The following MBOAT2 variants were observed in gnomAD, a reference collection of about 807,000 sequenced individuals.
MBOAT2 encodes membrane bound glycerophospholipid O-acyltransferase 2.
A neutral mutation model predicts 63.4 loss-of-function variants in MBOAT2; 28 were observed. The ratio of observed to expected loss-of-function variants is 0.44; its 90% CI spans 0.33 to 0.61. The LOEUF (loss-of-function observed/expected upper bound fraction) is 0.61. Ranked by LOEUF, MBOAT2 falls within the 20% of genes least tolerant of loss-of-function variation. The probability of loss-of-function intolerance (pLI) is 0.03; values close to 1 mark genes in which losing one functional copy is unlikely to be tolerated. For synonymous variants in MBOAT2, 211 were observed against 215.6 expected (o/e 0.98, Z 0.19); for missense variants, 470 against 605.8 (o/e 0.78, Z 2.35).
At chr2:8,858,950 A>C (rs1383490684) in intron 12 of MBOAT2, 46 bp from the exon 13 acceptor site, 1 of 1,390,442 alleles carries the variant, frequency 7.2e-7, no homozygotes, top group Non-Finnish European at 9.9e-7. Context: ...ATAATTAATA[A>C]TCCTTAATAA....
At chr2:8,932,999 T>C (rs752761033) in intron 3 of MBOAT2, among the ~76,000 whole-genome samples, 13 of 152,184 alleles carry the variant, frequency 8.5e-5, no homozygotes, top group Non-Finnish European at 1.5e-4. Context: ...GTTGAAAAAA[T>C]ACCCCTTTCA....
chr2:8,901,296 T>C (rs1199116029), intron 4 of MBOAT2, among the ~76,000 whole-genome samples: 1 of 152,136 alleles, frequency 6.6e-6, no homozygotes, highest in African/African-American at 2.4e-5. Context: ...AAACATTAGT[T>C]TTCCTCCTAG....
chr2:8,910,576 A>G (rs1665643995), intron 3 of MBOAT2, among the ~76,000 whole-genome samples: 1 of 152,238 alleles, frequency 6.6e-6, no homozygotes, highest in Non-Finnish European at 1.5e-5. Flanking sequence ...AACATGTCAG[A>G]TAAGAAGCCG....
chr2:8,860,543 C>A, intron 12 of MBOAT2, 70 bp downstream of exon 12: 1 of 1,471,368 alleles, frequency 6.8e-7, no homozygotes, highest in Non-Finnish European at 9.4e-7. Context: ...TCTATTCTAT[C>A]CAATAGCAAG....
intron 10 of MBOAT2, among the ~76,000 whole-genome samples, chr2:8,863,911 T>A (rs932983922): frequency 6.6e-6 from 1 of 152,238 alleles, no homozygotes; most frequent in African/African-American, 2.4e-5. Flanking sequence ...ACCTCTGACA[T>A]TGGCAGAGGC....
intron 1 of MBOAT2, among the ~76,000 whole-genome samples, chr2:8,993,489 A>G (rs1208116235): frequency 6.6e-6 from 1 of 152,182 alleles, no homozygotes; most frequent in African/African-American, 2.4e-5. Context: ...TGGCCAGTGA[A>G]GTGAGTGTCC....
intron 9 of MBOAT2, among the ~76,000 whole-genome samples, chr2:8,868,145 G>C (rs760235911): frequency 2.0e-5 from 3 of 152,012 alleles, no homozygotes; most frequent in Non-Finnish European, 2.9e-5. Flanking sequence ...CAACTAACCT[G>C]GATTCCTATT....
At chr2:8,890,799 G>A (rs958009873) in intron 4 of MBOAT2, among the ~76,000 whole-genome samples, 1 of 152,152 alleles carries the variant, frequency 6.6e-6, no homozygotes. Flanking sequence ...GAACTTACAG[G>A]TGTGAGCCAC....
chr2:8,918,420 T>C (rs1350827684), intron 3 of MBOAT2, among the ~76,000 whole-genome samples: 1 of 152,114 alleles, frequency 6.6e-6, no homozygotes, highest in Non-Finnish European at 1.5e-5. Flanking sequence ...CAGATCACCA[T>C]AACAGAGATA....
intron 3 of MBOAT2, among the ~76,000 whole-genome samples, chr2:8,941,448 T>C (rs979811067): frequency 2.0e-5 from 3 of 152,156 alleles, no homozygotes; most frequent in African/African-American, 7.2e-5. Flanking sequence ...ACAGAAATGT[T>C]CTCTATCTGC....
chr2:8,947,394 TCTAA>T (rs1434497081), intron 2 of MBOAT2, among the ~76,000 whole-genome samples: 65 of 152,238 alleles, frequency 4.3e-4, no homozygotes, highest in African/African-American at 1.5e-3. Flanking sequence ...ACCCAGAAGA[TCTAA>T]CTAAGATCAC....
chr2:8,939,837 C>G (rs570649777), intron 3 of MBOAT2, among the ~76,000 whole-genome samples: 1 of 152,278 alleles, frequency 6.6e-6, no homozygotes, highest in South Asian at 2.1e-4. Flanking sequence ...TTTCTCATCC[C>G]ATATCTCAAG....
intron 5 of MBOAT2, among the ~76,000 whole-genome samples, chr2:8,883,985 G>A (rs1407204774): frequency 6.6e-6 from 1 of 151,526 alleles, no homozygotes; most frequent in African/African-American, 2.4e-5. Context: ...TACTTTGGGA[G>A]GCCAAGGCGG....
rs929579160 is a variant in MBOAT2 at position 8,858,611 on chromosome 2, T to C, written c.*68A>G. 2.1e-5 allele frequency: 26 copies of C among 1,234,444 alleles called. No individual in the cohort carries two copies. Among genetic ancestry groups the C allele is most frequent in the Non-Finnish European group, 2.8e-5 (25 of 878,140 alleles). 76.5% of individuals were successfully genotyped at this position (1,234,444 alleles called of 1,614,324 possible). On this transcript the variant is annotated 3_prime_UTR_variant, in exon 13 of 13. Transcript: ENST00000305997. Reference sequence around the variant, plus strand: ...TGCTTTTCCAACAAACTCAAACCCCTTGAAAAGGTGCTAAGATTGGTTTCT... The same window carrying C: ...TGCTTTTCCAACAAACTCAAACCCCCTGAAAAGGTGCTAAGATTGGTTTCT...
intron 4 of MBOAT2, among the ~76,000 whole-genome samples, chr2:8,906,108 G>A (rs561032829): frequency 1.3e-3 from 202 of 152,122 alleles, no homozygotes; most frequent in African/African-American, 4.6e-3. Context: ...ACAGGTATGC[G>A]CCACCATGCC....
At chr2:8,859,581 A>T (rs1661346516) in intron 12 of MBOAT2, among the ~76,000 whole-genome samples, 1 of 152,240 alleles carries the variant, frequency 6.6e-6, no homozygotes, top group Non-Finnish European at 1.5e-5. Context: ...TTAAAATGGA[A>T]ACTGTAGCAG....
intron 11 of MBOAT2, chr2:8,861,158 T>C (rs567952004): frequency 2.0e-5 from 3 of 152,896 alleles, no homozygotes; most frequent in Admixed American, 6.5e-5. Context: ...TGGTAAAATA[T>C]AGTATATAAA....
At chr2:8,882,079 C>T (rs1240349526) in intron 6 of MBOAT2, among the ~76,000 whole-genome samples, 1 of 152,172 alleles carries the variant, frequency 6.6e-6, no homozygotes, top group Non-Finnish European at 1.5e-5. Context: ...TTTATTATTT[C>T]AAAATATGGC....
At position 8,855,937 on chromosome 2, in the gene MBOAT2, A is replaced by G. The variant is rs1014323822; in HGVS notation, c.*2742T>C. The G allele has an allele frequency of 5.3e-5, 8 of 152,204 alleles. No homozygotes were observed. Among genetic ancestry groups the G allele is most frequent in the Admixed American group, 2.0e-4 (3 of 15,266 alleles). 9.4% of individuals were successfully genotyped at this position (152,204 alleles called of 1,614,324 possible). ...GATTAAAAAAAAGCAAGCACATAAT[A>G]CAACGAATCCCCTTTCTATTTAACA... On this transcript the variant is annotated 3_prime_UTR_variant, in exon 13 of 13. Transcript: ENST00000305997.
Sources: allele counts gnomAD v4.1 joint callset (sites outside exome capture counted in the v4.1 genomes callset), GRCh38; gene constraint gnomAD v4.1.1; transcripts MANE v1.5; gene names NCBI Gene and HGNC (gene_info 2026-07-23, HGNC 2026-07-21).